Variants in SNX24 observed in about 807,000 individuals in gnomAD.
SNX24 encodes sorting nexin 24.
A neutral mutation model predicts 28.7 loss-of-function variants in SNX24; 22 were observed. The ratio of observed to expected loss-of-function variants is 0.77; its 90% CI spans 0.55 to 1.10. The LOEUF (loss-of-function observed/expected upper bound fraction) is 1.10. SNX24 is among the 50% of genes least tolerant of loss of function. The pLI is 0.00. For synonymous variants in SNX24, 69 were observed against 71.5 expected (o/e 0.96, Z 0.18); for missense variants, 221 against 201.1 (o/e 1.10, Z -0.60).
intron 3 of SNX24, among the ~76,000 whole-genome samples, chr5:122,979,524 T>C (rs1402915113): frequency 6.6e-6 from 1 of 152,200 alleles, no homozygotes; most frequent in African/African-American, 2.4e-5. Context: ...CGTGCATACC[T>C]ACTTAAATGA....
At chr5:122,961,810 T>A (rs1450103020) in intron 3 of SNX24, among the ~76,000 whole-genome samples, 2 of 152,204 alleles carry the variant, frequency 1.3e-5, no homozygotes, top group African/African-American at 4.8e-5. Context: ...TGGTTAGAAA[T>A]CCTGTAACCT....
At chr5:122,857,588 G>C (rs1755258206) in intron 1 of SNX24, among the ~76,000 whole-genome samples, 1 of 151,952 alleles carries the variant, frequency 6.6e-6, no homozygotes, top group Non-Finnish European at 1.5e-5. Flanking sequence ...AGGCCCCAGT[G>C]TCTGTTGTTC....
chr5:122,934,583 C>T (rs184146341), intron 1 of SNX24, among the ~76,000 whole-genome samples: 2 of 152,292 alleles, frequency 1.3e-5, no homozygotes, highest in East Asian at 3.9e-4. Context: ...TGGTCTCAAA[C>T]TCCTGACCTC....
intron 3 of SNX24, among the ~76,000 whole-genome samples, chr5:122,953,164 G>A (rs1760041268): frequency 6.6e-6 from 1 of 151,280 alleles, no homozygotes; most frequent in Admixed American, 6.6e-5. Flanking sequence ...GAGTGCAGTG[G>A]CACAATCTCA....
intron 3 of SNX24, among the ~76,000 whole-genome samples, chr5:122,993,397 C>A (rs1054691569): frequency 3.3e-5 from 5 of 149,888 alleles, no homozygotes; most frequent in Admixed American, 2.0e-4. Flanking sequence ...CTCCCGGGTT[C>A]ATGCCATTCT....
intron 1 of SNX24, among the ~76,000 whole-genome samples, chr5:122,863,135 T>C (rs1755554309): frequency 6.6e-6 from 1 of 152,078 alleles, no homozygotes; most frequent in Non-Finnish European, 1.5e-5. Context: ...AAATTAAATA[T>C]AGTATCTTAG....
chr5:122,865,482 C>T (rs1257627554), intron 1 of SNX24, among the ~76,000 whole-genome samples: 1 of 152,140 alleles, frequency 6.6e-6, no homozygotes, highest in Non-Finnish European at 1.5e-5. Flanking sequence ...AGGTGCACAC[C>T]ACCATGCCCG....
chr5:122,893,303 C>G (rs1757060357), intron 1 of SNX24, among the ~76,000 whole-genome samples: 1 of 151,058 alleles, frequency 6.6e-6, no homozygotes, highest in Admixed American at 6.6e-5. Context: ...TTTTGATGAC[C>G]ATTTCTTATG....
chr5:122,927,399 T>TAAACC (rs10659941), intron 1 of SNX24, among the ~76,000 whole-genome samples: 123,134 of 151,698 alleles, frequency 0.81, 50,859 homozygotes, highest in East Asian at 0.99. Context: ...TGTAGGCTAT[T>TAAACC]TATCTTTTAT....
chr5:122,996,552 T>C (rs1762059882), intron 3 of SNX24, among the ~76,000 whole-genome samples: 3 of 152,182 alleles, frequency 2.0e-5, no homozygotes, highest in South Asian at 2.1e-4. Context: ...AACTTCAAAA[T>C]GGATAAAATA....
chr5:122,953,251 C>T (rs1020607931), intron 3 of SNX24, among the ~76,000 whole-genome samples: 5 of 152,120 alleles, frequency 3.3e-5, no homozygotes, highest in East Asian at 1.9e-4. Context: ...ATTACAGGCA[C>T]CTGCCACCAT....
At chr5:122,936,272 A>C (rs1196851954) in intron 1 of SNX24, among the ~76,000 whole-genome samples, 1 of 152,198 alleles carries the variant, frequency 6.6e-6, no homozygotes, top group Admixed American at 6.5e-5. Context: ...AAATTAACCT[A>C]AAATGCACTG....
chr5:122,916,514 C>G (rs552996449), intron 1 of SNX24, among the ~76,000 whole-genome samples: 590 of 149,950 alleles, frequency 3.9e-3, no homozygotes, highest in Non-Finnish European at 6.3e-3. Flanking sequence ...CTTTTTTTAT[C>G]TTAGATGCTT....
chr5:122,978,147 A>G (rs1292944554), intron 3 of SNX24, among the ~76,000 whole-genome samples: 1 of 152,188 alleles, frequency 6.6e-6, no homozygotes, highest in Non-Finnish European at 1.5e-5. Flanking sequence ...TTTGGTATAC[A>G]TTTGAAAAAC....
rs561567849 is a variant in SNX24, at chr5:123,008,767, C to T, written c.*1018C>T. The T allele has an allele frequency of 1.3e-4, 85 of 649,008 alleles. No homozygotes were observed. The South Asian group carries it at 5.1e-3, about 39-fold the overall frequency. The allele number at this position is 649,008 out of a possible 1,614,324, so 40.2% of individuals were successfully genotyped here. A position where few individuals can be genotyped will look rare whatever the true frequency, so the allele number is the denominator to read the frequency against. ...TATTTTCCTTACGGCTTCCTTTTCACTGACCTCATTTGTTGAGTTAATGTA... is the reference window on the plus strand; with the variant it reads ...TATTTTCCTTACGGCTTCCTTTTCATTGACCTCATTTGTTGAGTTAATGTA... On this transcript the variant is annotated 3_prime_UTR_variant, in exon 7 of 7. Transcript: ENST00000261369.
rs771087856 is a variant in SNX24, at chr5:122,845,648, C to G, written c.15C>G (p.Ile5Met). MEVY[I>M]PSFRYEESDL... ...CCGGCGCGGCCATGGAGGTCTACAT[C>G]CCGTCCTTTCGCTATGAAGAGAGCG... Residue 5 changes from isoleucine to methionine, a missense_variant, in exon 1 of 7, where the codon ATC becomes ATG. Coordinates refer to ENST00000261369, the MANE Select transcript of SNX24 (RefSeq NM_014035.4). The G allele has an allele frequency of 7.0e-7, 1 of 1,433,092 alleles. No homozygotes were observed. 88.8% of individuals were successfully genotyped at this position (1,433,092 alleles called of 1,614,324 possible). A position where few individuals can be genotyped will look rare whatever the true frequency, so the allele number is the denominator to read the frequency against.
intron 1 of SNX24, among the ~76,000 whole-genome samples, chr5:122,846,935 A>C (rs949909702): frequency 1.3e-4 from 20 of 150,982 alleles, no homozygotes; most frequent in African/African-American, 3.9e-4. Context: ...ACAAACAAAC[A>C]AACCCTCGAG....
chr5:122,866,620 C>G (rs939971098), intron 1 of SNX24, among the ~76,000 whole-genome samples: 29 of 152,100 alleles, frequency 1.9e-4, no homozygotes, highest in Non-Finnish European at 3.1e-4. Context: ...TTTTCATTGA[C>G]TTTAATTACA....
At chr5:122,931,847 T>G (rs1017608568) in intron 1 of SNX24, among the ~76,000 whole-genome samples, 3 of 151,906 alleles carry the variant, frequency 2.0e-5, no homozygotes, top group Non-Finnish European at 4.4e-5. Context: ...TTTTCTCTTT[T>G]TTTTTTGCTT....
Sources: gnomAD v4.1 joint callset for allele counts (sites outside exome capture counted in the v4.1 genomes callset) on GRCh38, gnomAD v4.1.1 for gene constraint, MANE v1.5 for transcripts, NCBI Gene and HGNC (gene_info 2026-07-23, HGNC 2026-07-21) for gene names.